Variants in DPYD observed in about 807,000 individuals in gnomAD.
DPYD encodes dihydropyrimidine dehydrogenase, also known as dihydropyrimidine dehydrogenase [NADP(+)].
In DPYD, 109 loss-of-function variants were observed where a neutral mutation model predicts 116.2. The ratio of observed to expected loss-of-function variants is 0.94; its 90% CI spans 0.80 to 1.10. DPYD has a LOEUF of 1.10. Among genes scored for constraint, DPYD ranks in the 50% least tolerant of loss-of-function variants. DPYD has a pLI of 0.00. For synonymous variants in DPYD, 440 were observed against 432.0 expected, an observed-to-expected ratio of 1.02 and a Z score of -0.23; for missense variants, 1,302 against 1,254.5, an observed-to-expected ratio of 1.04 and a Z score of -0.57.
At chr1:97,888,124 A>G (rs1672598811) in intron 1 of DPYD, among the ~76,000 whole-genome samples, 1 of 152,078 alleles carries the variant, frequency 6.6e-6, no homozygotes, top group South Asian at 2.1e-4. Flanking sequence ...AATGTCTTAG[A>G]GAGTACAGAA....
In DPYD at chr1:97,593,389, T is replaced by C. The variant is rs577302209; in HGVS notation, c.959-2A>G. On this transcript the variant is annotated splice_acceptor_variant, in intron 9 of 22. Transcript: ENST00000370192. LOFTEE classifies it high-confidence loss of function. ...ATGGAGAGTGACAGGCGCACATTCC[T>C]GAATGATGAAAGGAAAACCCCATTT... 2 of 1,613,912 alleles carry C rather than the reference T, an allele frequency of 1.2e-6. No homozygotes were observed. Among genetic ancestry groups the C allele is most frequent in the Non-Finnish European group, 1.7e-6 (2 of 1,180,022 alleles).
chr1:97,588,686 G>A (rs980703608), intron 10 of DPYD, among the ~76,000 whole-genome samples: 5 of 152,100 alleles, frequency 3.3e-5, no homozygotes, highest in African/African-American at 1.2e-4. Flanking sequence ...GGATAGTGTC[G>A]AGTGATTGGC....
At chr1:97,704,323 T>A (rs982376964) in intron 5 of DPYD, among the ~76,000 whole-genome samples, 85 of 152,032 alleles carry the variant, frequency 5.6e-4, no homozygotes, top group Non-Finnish European at 1.1e-3. Context: ...AAAATTGAAA[T>A]CAATTATAAA....
intron 1 of DPYD, among the ~76,000 whole-genome samples, chr1:97,886,830 A>G (rs191115285): frequency 6.6e-6 from 1 of 152,182 alleles, no homozygotes; most frequent in East Asian, 1.9e-4. Context: ...GGTAGTTCAT[A>G]AGGGAAACCC....
intron 8 of DPYD, among the ~76,000 whole-genome samples, chr1:97,643,212 T>C (rs1454159294): frequency 6.6e-6 from 1 of 152,054 alleles, no homozygotes; most frequent in Non-Finnish European, 1.5e-5. Flanking sequence ...ATCCAGAAAC[T>C]ACAAGGAACT....
intron 14 of DPYD, among the ~76,000 whole-genome samples, chr1:97,421,293 T>A (rs1309876981): frequency 1.3e-5 from 2 of 152,144 alleles, no homozygotes; most frequent in African/African-American, 4.8e-5. Context: ...TAAATCTTCA[T>A]GTATTGTATC....
At chr1:97,775,006 G>T in intron 3 of DPYD, 1 of 302,758 alleles carries the variant, frequency 3.3e-6, no homozygotes, top group South Asian at 3.6e-5. Context: ...GAAGCTCTAT[G>T]AATGCCAGGT....
rs1648460340 is a variant in DPYD, at chr1:97,519,176, C to G, written c.1525-3235G>C. Among the ~76,000 whole-genome samples, 2 of 152,074 alleles carry G rather than the reference C, an allele frequency of 1.3e-5. 1 individual carries two copies. Among genetic ancestry groups the G allele is most frequent in the South Asian group, 4.1e-4 (2 of 4,824 alleles). ...TTTTTACACTGCTGTTAAAGACATG[C>G]TCAAAACTGGGCAATTTACAAAGGA... is the stretch of plus-strand genomic sequence containing the variant. On this transcript the variant is annotated intron_variant, in intron 12 of 22. Coordinates refer to ENST00000370192, the MANE Select transcript of DPYD (RefSeq NM_000110.4).
chr1:97,880,258 C>T (rs2101635299), intron 2 of DPYD, among the ~76,000 whole-genome samples: 1 of 151,692 alleles, frequency 6.6e-6, no homozygotes, highest in East Asian at 2.0e-4. Context: ...TGAAGAAAAA[C>T]AAGAAGGAGA....
chr1:97,754,467 G>A (rs761640321), intron 3 of DPYD, among the ~76,000 whole-genome samples: 28 of 152,302 alleles, frequency 1.8e-4, no homozygotes, highest in Middle Eastern at 3.4e-3. Flanking sequence ...TGACAATGCT[G>A]TCACAGTACG....
At chr1:97,565,346 C>T (rs1398613579) in intron 11 of DPYD, among the ~76,000 whole-genome samples, 2 of 152,140 alleles carry the variant, frequency 1.3e-5, no homozygotes, top group Non-Finnish European at 2.9e-5. Flanking sequence ...TTACCTCATT[C>T]AAGACAAAGA....
rs114454629 is a variant in DPYD at position 97,675,273 on chromosome 1, C to A, written c.850+3822G>T. Among the ~76,000 whole-genome samples, 1,066 of 152,284 alleles carry A rather than the reference C, an allele frequency of 7.0e-3. 5 individuals are homozygous for A. Among genetic ancestry groups the A allele is most frequent in the Non-Finnish European group, 0.011 (773 of 68,008 alleles). On this transcript the variant is annotated intron_variant, in intron 8 of 22. Coordinates refer to ENST00000370192, the MANE Select transcript of DPYD (RefSeq NM_000110.4). ...TAGTAGATGTTCCAATTCTACGTCT[C>A]AATATTTTCAGTAACATGCTGTCCA... is the stretch of plus-strand genomic sequence containing the variant.
At chr1:97,754,764 C>G (rs56012174) in intron 3 of DPYD, among the ~76,000 whole-genome samples, 18,282 of 152,166 alleles carry the variant, frequency 0.12, 1,199 homozygotes, top group Middle Eastern at 0.15. Context: ...AGATTATGTA[C>G]AGGTGGGGTA....
At chr1:97,424,551 T>C (rs558347532) in intron 14 of DPYD, among the ~76,000 whole-genome samples, 1 of 152,212 alleles carries the variant, frequency 6.6e-6, no homozygotes, top group East Asian at 1.9e-4. Flanking sequence ...TGAACACTGA[T>C]TATAGTTGCT....
intron 8 of DPYD, among the ~76,000 whole-genome samples, chr1:97,630,873 C>T (rs1657218149): frequency 6.6e-6 from 1 of 152,104 alleles, no homozygotes; most frequent in African/African-American, 2.4e-5. Context: ...AGTGGTAACA[C>T]AACTTCCTGC....
intron 13 of DPYD, among the ~76,000 whole-genome samples, chr1:97,453,888 T>C (rs1477354274): frequency 6.6e-6 from 1 of 152,096 alleles, no homozygotes; most frequent in Admixed American, 6.6e-5. Context: ...TGCTTTATGA[T>C]AGAGAATGCT....
At chr1:97,155,766 T>A (rs539077148) in intron 20 of DPYD, among the ~76,000 whole-genome samples, 22 of 152,300 alleles carry the variant, frequency 1.4e-4, no homozygotes, top group African/African-American at 5.3e-4. Flanking sequence ...AGTTCCCAAA[T>A]TATAGCCAAC....
chr1:97,517,284 G>A (rs1002127841), intron 12 of DPYD, among the ~76,000 whole-genome samples: 1 of 151,900 alleles, frequency 6.6e-6, no homozygotes, highest in Admixed American at 6.6e-5. Context: ...TAATTTTTCT[G>A]TCCTCACACA....
At chr1:97,852,491 A>G (rs1670623948) in intron 2 of DPYD, among the ~76,000 whole-genome samples, 1 of 152,168 alleles carries the variant, frequency 6.6e-6, no homozygotes, top group East Asian at 1.9e-4. Flanking sequence ...ATAAAACATA[A>G]TAACATGGAA....
Sources: allele counts gnomAD v4.1 joint callset (sites outside exome capture counted in the v4.1 genomes callset), GRCh38; gene constraint gnomAD v4.1.1; transcripts MANE v1.5; gene names NCBI Gene and HGNC (gene_info 2026-07-23, HGNC 2026-07-21).